The following KCNH8 variants were observed in gnomAD, a reference collection of about 807,000 sequenced individuals.
The protein encoded by KCNH8 is potassium voltage-gated channel subfamily H member 8.
In KCNH8, 70 loss-of-function variants were observed where a neutral mutation model predicts 103.6. The ratio of observed to expected loss-of-function variants is 0.68; its 90% confidence interval spans 0.56 to 0.82. KCNH8 has a LOEUF of 0.82. Among genes scored for constraint, KCNH8 ranks in the 40% least tolerant of loss-of-function variants. The pLI is 0.00. For synonymous variants in KCNH8, 498 were observed against 489.4 expected, an observed-to-expected ratio of 1.02 and a Z score of -0.23; for missense variants, 1,217 against 1,329.9, an observed-to-expected ratio of 0.92 and a Z score of 1.32.
chr3:19,233,070 C>G (rs568693629), intron 1 of KCNH8, among the ~76,000 whole-genome samples: 3 of 108,734 alleles, frequency 2.8e-5, no homozygotes, highest in Non-Finnish European at 5.2e-5. Context: ...CTCCCCCCCC[C>G]CACCCCACTA....
In KCNH8 at chr3:19,221,844, CT is replaced by C. The variant is rs563088589; in HGVS notation, c.77-31796del. Among the ~76,000 whole-genome samples, 709 of 143,348 alleles carry C rather than the reference CT, an allele frequency of 4.9e-3. 1 individual carries two copies. Among genetic ancestry groups the C allele is most frequent in the African/African-American group, 9.7e-3 (381 of 39,398 alleles). The allele number at this position is 143,348 out of a possible 152,430, so 94.0% of individuals were successfully genotyped here. ...CAAGAAAAAAATAACACTAGCATTC[CT>C]TTTTTTTTTTTTTCCTTCTTGAGAC... is the stretch of plus-strand genomic sequence containing the variant. On this transcript the variant is annotated intron_variant, in intron 1 of 15. Coordinates refer to ENST00000328405, the MANE Select transcript of KCNH8 (RefSeq NM_144633.3).
At chr3:19,257,955 G>A (rs2064367665) in intron 2 of KCNH8, among the ~76,000 whole-genome samples, 1 of 152,004 alleles carries the variant, frequency 6.6e-6, no homozygotes, top group South Asian at 2.1e-4. Flanking sequence ...TCCTTGGCCT[G>A]TAGAGTGTCA....
intron 1 of KCNH8, among the ~76,000 whole-genome samples, chr3:19,214,036 G>A (rs1415186001): frequency 2.6e-5 from 4 of 152,156 alleles, no homozygotes; most frequent in African/African-American, 4.8e-5. Flanking sequence ...CCGCCTGCCC[G>A]TGGGATTAGT....
intron 5 of KCNH8, among the ~76,000 whole-genome samples, chr3:19,377,857 G>A (rs186362715): frequency 1.3e-3 from 194 of 152,340 alleles, no homozygotes; most frequent in African/African-American, 4.4e-3. Flanking sequence ...AAAATGCTAA[G>A]TTAGTGGAAG....
intron 15 of KCNH8, among the ~76,000 whole-genome samples, chr3:19,526,301 A>G (rs893368043): frequency 3.9e-5 from 6 of 151,900 alleles, no homozygotes; most frequent in Admixed American, 2.6e-4. Context: ...AAAAATGGAA[A>G]CCACATTTTT....
At chr3:19,240,600 G>A (rs1320281222) in intron 1 of KCNH8, among the ~76,000 whole-genome samples, 4 of 143,350 alleles carry the variant, frequency 2.8e-5, no homozygotes, top group South Asian at 2.2e-4. Context: ...CAACAAGAGC[G>A]AAACTCTGTC....
At chr3:19,526,416 A>G (rs539156544) in intron 15 of KCNH8, among the ~76,000 whole-genome samples, 32 of 152,020 alleles carry the variant, frequency 2.1e-4, no homozygotes, top group Non-Finnish European at 3.7e-4. Context: ...TGTAAAATGA[A>G]GTAAAGCTAT....
chr3:19,302,165 A>G (rs1001365311), intron 3 of KCNH8, among the ~76,000 whole-genome samples: 6 of 152,134 alleles, frequency 3.9e-5, no homozygotes, highest in Non-Finnish European at 5.9e-5. Context: ...CAACCCTCCA[A>G]TCAAGTGATT....
At chr3:19,149,640 G>A (rs1271891259) in intron 1 of KCNH8, among the ~76,000 whole-genome samples, 1 of 152,104 alleles carries the variant, frequency 6.6e-6, no homozygotes, top group Non-Finnish European at 1.5e-5. Context: ...TTGACCCTGT[G>A]GATCTTCCTA....
intron 1 of KCNH8, among the ~76,000 whole-genome samples, chr3:19,157,426 GA>G (rs1349126720): frequency 1.3e-5 from 2 of 152,088 alleles, no homozygotes; most frequent in African/African-American, 2.4e-5. Flanking sequence ...TCAGTCATCT[GA>G]AAATGAGCCT....
At chr3:19,160,829 T>A (rs2063226685) in intron 1 of KCNH8, among the ~76,000 whole-genome samples, 1 of 152,108 alleles carries the variant, frequency 6.6e-6, no homozygotes, top group African/African-American at 2.4e-5. Flanking sequence ...ATAGTAGGCA[T>A]CTTGGTTATC....
intron 3 of KCNH8, among the ~76,000 whole-genome samples, chr3:19,327,553 G>A (rs948280335): frequency 1.3e-5 from 2 of 152,194 alleles, no homozygotes; most frequent in African/African-American, 4.8e-5. Flanking sequence ...GCCTCCCAAA[G>A]TGCTGGGATT....
chr3:19,257,385 C>T (rs1011553228), intron 2 of KCNH8, among the ~76,000 whole-genome samples: 6 of 152,014 alleles, frequency 3.9e-5, no homozygotes, highest in Non-Finnish European at 5.9e-5. Context: ...TCTGGTTTTC[C>T]CTATTCTTTC....
At chr3:19,239,791 AATTT>A in intron 1 of KCNH8, among the ~76,000 whole-genome samples, 1 of 152,258 alleles carries the variant, frequency 6.6e-6, no homozygotes, top group East Asian at 1.9e-4. Flanking sequence ...AATAAAATTA[AATTT>A]ATTTAACCTT....
chr3:19,292,367 C>T (rs779153450), intron 3 of KCNH8, among the ~76,000 whole-genome samples: 1 of 152,130 alleles, frequency 6.6e-6, no homozygotes, highest in East Asian at 1.9e-4. Flanking sequence ...AAGATTCCAA[C>T]GCAGTGGCAT....
intron 11 of KCNH8, among the ~76,000 whole-genome samples, chr3:19,461,274 A>C (rs1213492856): frequency 6.6e-6 from 1 of 152,138 alleles, no homozygotes; most frequent in Non-Finnish European, 1.5e-5. Context: ...TTTATATATA[A>C]CTGAGAGTCT....
At chr3:19,257,798 A>G (rs373518834) in intron 2 of KCNH8, among the ~76,000 whole-genome samples, 1 of 152,078 alleles carries the variant, frequency 6.6e-6, no homozygotes, top group South Asian at 2.1e-4. Flanking sequence ...GAGTGGCTTA[A>G]ACAACAGAAA....
intron 1 of KCNH8, among the ~76,000 whole-genome samples, chr3:19,152,386 G>A (rs1033448493): frequency 6.6e-6 from 1 of 152,042 alleles, no homozygotes; most frequent in Non-Finnish European, 1.5e-5. Flanking sequence ...GCTTTCAGAG[G>A]GAAGTATCCA....
chr3:19,199,134 C>T (rs896444717), intron 1 of KCNH8, among the ~76,000 whole-genome samples: 23 of 152,148 alleles, frequency 1.5e-4, no homozygotes, highest in African/African-American at 5.3e-4. Flanking sequence ...CATATTATCA[C>T]ACTCATTGTA....
Sources: allele counts gnomAD v4.1 joint callset (sites outside exome capture counted in the v4.1 genomes callset), GRCh38; gene constraint gnomAD v4.1.1; transcripts MANE v1.5; gene names NCBI Gene and HGNC (gene_info 2026-07-23, HGNC 2026-07-21).